SI: variants seen among roughly 807,000 people sequenced by gnomAD.
The protein encoded by SI is sucrase-isomaltase, intestinal.
Under a neutral mutation model 253.3 loss-of-function variants are expected in SI, and 235 were observed. That is an observed-to-expected ratio of 0.93 (90% CI 0.83 to 1.03). The LOEUF is 1.03. Ranked by LOEUF, SI falls within the 50% of genes least tolerant of loss-of-function variation. The pLI is 0.00. For synonymous variants in SI, 819 were observed against 712.0 expected, an observed-to-expected ratio of 1.15 and a Z score of -2.39; for missense variants, 2,442 against 2,211.1, an observed-to-expected ratio of 1.10 and a Z score of -2.09.
At chr3:165,012,836 T>A in intron 34 of SI, 144 bp downstream of exon 34, 1 of 672,402 alleles carries the variant, frequency 1.5e-6, no homozygotes, top group Non-Finnish European at 2.7e-6. Context: ...TAGGTAAATT[T>A]TATCTAAATA....
intron 33 of SI, among the ~76,000 whole-genome samples, chr3:165,014,541 G>C (rs1056189962): frequency 6.6e-6 from 1 of 152,006 alleles, no homozygotes; most frequent in Non-Finnish European, 1.5e-5. Context: ...GAGCCACCAC[G>C]CCTGGCCCTC....
intron 34 of SI, among the ~76,000 whole-genome samples, chr3:165,012,057 C>T (rs187567060): frequency 2.2e-4 from 34 of 152,144 alleles, no homozygotes; most frequent in Admixed American, 1.9e-3. Context: ...TTCTGTTTAT[C>T]ATTTGCATTT....
rs1576917393 is a variant in SI at position 165,062,276 on chromosome 3, C to T, written c.1020+95G>A. The T allele has an allele frequency of 1.3e-5, 9 of 703,440 alleles. 1 individual carries two copies. In the South Asian group the frequency reaches 1.4e-4, roughly 11 times the overall value. The allele number at this position is 703,440 out of a possible 1,614,324, so 43.6% of individuals were successfully genotyped here. A position where few individuals can be genotyped will look rare whatever the true frequency, so the allele number is the denominator to read the frequency against. On this transcript the variant is annotated intron_variant, in intron 9 of 47. Transcript: ENST00000264382. Reference sequence around the variant, plus strand: ...TTCGAAAACATTTAGCTAAGAGGCCCCTACTATGTAAAATAAAGTCATCTA... The same window carrying T: ...TTCGAAAACATTTAGCTAAGAGGCCTCTACTATGTAAAATAAAGTCATCTA...
chr3:165,056,819 A>T lies in SI; in HGVS notation c.1399-1512T>A, dbSNP rs1452809266. Among the ~76,000 whole-genome samples, 3 of 152,126 alleles carry T rather than the reference A, an allele frequency of 2.0e-5. No homozygotes were observed. The East Asian group carries it at 5.8e-4, about 29-fold the overall frequency. On this transcript the variant is annotated intron_variant, in intron 12 of 47. Transcript: ENST00000264382. ...GCTGCAGTTAACAAAGACTTAGATC[A>T]CAAAACCCAAGTCCCTTAGAATACC...
chr3:165,072,435 C>A (rs980021815), intron 3 of SI, among the ~76,000 whole-genome samples: 1 of 151,582 alleles, frequency 6.6e-6, no homozygotes, highest in East Asian at 1.9e-4. Flanking sequence ...CAACAAAAAA[C>A]CCTGAGTGAC....
rs1259699647 is a variant in SI, at chr3:164,987,271, CAT to C, written c.5109-47_5109-46del. ...AATTTTACCCATGTTTGTAGAATAG[CAT>C]ATGTCTAGTTATGATATGACATCCA... is the stretch of plus-strand genomic sequence containing the variant. On this transcript the variant is annotated intron_variant, in intron 44 of 47. Coordinates refer to ENST00000264382, the MANE Select transcript of SI (RefSeq NM_001041.4). 4 of 1,475,960 alleles carry C rather than the reference CAT, an allele frequency of 2.7e-6. No homozygotes were observed. In the South Asian group the frequency reaches 4.5e-5, roughly 17 times the overall value. 91.4% of individuals were successfully genotyped at this position (1,475,960 alleles called of 1,614,324 possible).
chr3:165,040,020 A>G, intron 18 of SI, 49 bp from the exon 19 acceptor site: 2 of 1,416,694 alleles, frequency 1.4e-6, no homozygotes, highest in Non-Finnish European at 2.0e-6. Flanking sequence ...AAATAAGTTT[A>G]TCCAAATTCC....
intron 12 of SI, 63 bp downstream of exon 12, chr3:165,058,900 A>ACG: frequency 7.2e-7 from 1 of 1,389,748 alleles, no homozygotes; most frequent in Non-Finnish European, 1.0e-6. Flanking sequence ...ACATCCACAG[A>ACG]AACTTTATTA....
chr3:165,011,416 A>C (rs2108163455), intron 34 of SI, among the ~76,000 whole-genome samples: 1 of 152,116 alleles, frequency 6.6e-6, no homozygotes, highest in African/African-American at 2.4e-5. Flanking sequence ...GAATTGACTT[A>C]TTTCCCCTCT....
chr3:164,992,492 C>G lies in SI; in HGVS notation c.4842-95G>C, dbSNP rs1458187367. 10 of 839,000 alleles carry G rather than the reference C, an allele frequency of 1.2e-5. No individual in the cohort carries two copies. The African/African-American group carries it at 1.7e-4, about 15-fold the overall frequency. 52.0% of individuals were successfully genotyped at this position (839,000 alleles called of 1,614,324 possible). ...TTCAAATTACATTTTGTAGTATGGACTTTTGTGGATTAAAATAAAAACAAA... is the reference window on the plus strand; with the variant it reads ...TTCAAATTACATTTTGTAGTATGGAGTTTTGTGGATTAAAATAAAAACAAA... On this transcript the variant is annotated intron_variant, in intron 41 of 47. Coordinates refer to ENST00000264382, the MANE Select transcript of SI (RefSeq NM_001041.4).
chr3:165,019,517 C>T lies in SI; in HGVS notation c.3423+85G>A, dbSNP rs1037419872. 16 of 1,245,906 alleles carry T rather than the reference C, an allele frequency of 1.3e-5. No homozygotes were observed. In the Admixed American group the frequency reaches 2.2e-4, roughly 17 times the overall value. 77.2% of individuals were successfully genotyped at this position (1,245,906 alleles called of 1,614,324 possible). On this transcript the variant is annotated intron_variant, in intron 28 of 47. Transcript: ENST00000264382. ...TAATGCCTTTGTCATTACTTCAATCCTAAAGCACAGGCCCATAAAGAAGTG... is the reference window on the plus strand; with the variant it reads ...TAATGCCTTTGTCATTACTTCAATCTTAAAGCACAGGCCCATAAAGAAGTG...
intron 7 of SI, 122 bp downstream of exon 7, chr3:165,065,139 T>C: frequency 1.5e-6 from 1 of 666,150 alleles, no homozygotes; most frequent in Non-Finnish European, 2.6e-6. Context: ...TCTATATTGG[T>C]ATCAGTGACA....
chr3:164,990,223 G>T (rs990685643), intron 44 of SI, among the ~76,000 whole-genome samples: 2 of 152,044 alleles, frequency 1.3e-5, no homozygotes, highest in African/African-American at 4.8e-5. Flanking sequence ...GTATAAAACT[G>T]CTCTAAAAAA....
At chr3:165,047,065 G>A in intron 15 of SI, 53 bp from the exon 16 acceptor site, 1 of 1,376,882 alleles carries the variant, frequency 7.3e-7, no homozygotes, top group Non-Finnish European at 1.0e-6. Context: ...AATAAAGTTG[G>A]TATTTAAATT....
chr3:165,086,676 T>A, the SI span, among the ~76,000 whole-genome samples: 1 of 152,168 alleles, frequency 6.6e-6, no homozygotes, highest in African/African-American at 2.4e-5. Flanking sequence ...GCAGTTGGAG[T>A]TACAGTAAAA....
intron 40 of SI, among the ~76,000 whole-genome samples, chr3:164,995,333 T>C (rs1486562489): frequency 2.6e-5 from 4 of 151,814 alleles, no homozygotes; most frequent in African/African-American, 9.7e-5. Context: ...CTATTGCTGG[T>C]ATTTCCAAAG....
intron 44 of SI, among the ~76,000 whole-genome samples, chr3:164,987,502 A>G (rs932788370): frequency 6.6e-6 from 1 of 152,206 alleles, no homozygotes; most frequent in African/African-American, 2.4e-5. Flanking sequence ...TGAGGTCAGG[A>G]GTTCGAGACC....
At chr3:165,025,859 T>A (rs906755929) in intron 25 of SI, among the ~76,000 whole-genome samples, 12 of 151,058 alleles carry the variant, frequency 7.9e-5, no homozygotes, top group African/African-American at 2.9e-4. Context: ...TTGAAACAAA[T>A]CCTAGAAATA....
At chr3:165,085,309 G>T in the SI span, among the ~76,000 whole-genome samples, 1 of 152,202 alleles carries the variant, frequency 6.6e-6, no homozygotes, top group Admixed American at 6.6e-5. Flanking sequence ...TAAATTTTTT[G>T]AAAGTAATGA....
Sources: gnomAD v4.1 joint callset for allele counts (sites outside exome capture counted in the v4.1 genomes callset) on GRCh38, gnomAD v4.1.1 for gene constraint, MANE v1.5 for transcripts, NCBI Gene and HGNC (gene_info 2026-07-23, HGNC 2026-07-21) for gene names.